FHIT: variants seen among roughly 807,000 people sequenced by gnomAD.
FHIT encodes the protein bis(5'-adenosyl)-triphosphatase.
FHIT carries 19 observed loss-of-function variants against 17.9 expected under a neutral mutation model. The ratio of observed to expected loss-of-function variants is 1.06; its 90% CI spans 0.74 to 1.56. FHIT has a LOEUF of 1.56. FHIT is among the 40% of genes most tolerant of loss of function. The pLI, the probability that FHIT is intolerant of heterozygous loss-of-function variation, is 0.00. For missense variants in FHIT, 248 were observed against 189.2 expected, an observed-to-expected ratio of 1.31 and a Z score of -1.82; for synonymous variants, 81 against 69.7, an observed-to-expected ratio of 1.16 and a Z score of -0.81.
chr3:59,790,526 CTCTGTG>C (rs765814535), intron 8 of FHIT, among the ~76,000 whole-genome samples: 16 of 133,980 alleles, frequency 1.2e-4, no homozygotes, highest in African/African-American at 4.1e-4. Context: ...CTCTCTCTCT[CTCTGTG>C]TGTGTGTGTG....
chr3:59,879,879 C>T (rs907788064), intron 8 of FHIT, among the ~76,000 whole-genome samples: 3 of 151,892 alleles, frequency 2.0e-5, no homozygotes, highest in African/African-American at 7.3e-5. Flanking sequence ...CACATTATTT[C>T]TGAGCCTTTA....
intron 5 of FHIT, among the ~76,000 whole-genome samples, chr3:60,338,516 A>T (rs908355735): frequency 1.4e-4 from 21 of 152,188 alleles, no homozygotes; most frequent in African/African-American, 5.1e-4. Context: ...TTTTATTTAC[A>T]TCCATAGTAT....
intron 4 of FHIT, among the ~76,000 whole-genome samples, chr3:60,819,077 A>G (rs1170707670): frequency 2.5e-5 from 3 of 121,182 alleles, no homozygotes; most frequent in Non-Finnish European, 3.5e-5. Flanking sequence ...GGTACTTTAT[A>G]GTTGATATCT....
intron 5 of FHIT, among the ~76,000 whole-genome samples, chr3:60,329,594 G>C (rs1178892433): frequency 6.6e-6 from 1 of 152,216 alleles, no homozygotes; most frequent in African/African-American, 2.4e-5. Context: ...TTAAGATTTG[G>C]AAAAGAAGTT....
intron 5 of FHIT, among the ~76,000 whole-genome samples, chr3:60,130,753 T>C (rs1249462134): frequency 1.8e-4 from 4 of 22,496 alleles, no homozygotes; most frequent in Non-Finnish European, 3.3e-4. Context: ...GGGGTGTGTG[T>C]GTGTGTGTGT....
intron 8 of FHIT, among the ~76,000 whole-genome samples, chr3:59,842,220 C>T (rs1398913701): frequency 6.6e-6 from 1 of 152,172 alleles, no homozygotes; most frequent in Non-Finnish European, 1.5e-5. Flanking sequence ...TCATCCATAT[C>T]ATAGCACTTA....
chr3:60,744,271 A>AAAACC (rs2042308671), intron 4 of FHIT, among the ~76,000 whole-genome samples: 6 of 52,136 alleles, frequency 1.2e-4, no homozygotes, highest in African/African-American at 6.8e-4. Context: ...AACAAAACAA[A>AAAACC]AAAAAAAAAA....
rs946010325 is a variant in FHIT at position 59,975,912 on chromosome 3, C to A, written c.279+35459G>T. Among the ~76,000 whole-genome samples the A allele has an allele frequency of 7.2e-4, 109 of 152,012 alleles. 2 individuals are homozygous for A. The highest frequency in any genetic ancestry group is 1.3e-4 in the Non-Finnish European group (9 of 68,002). On this transcript the variant is annotated intron_variant, in intron 7 of 9. Transcript: ENST00000492590. ...GATTATCTGGCTCCACTTCCTTTAC[C>A]GTCACAGAGAGTAAGGTCTCCAGTT...
At chr3:60,439,052 G>C (rs1014636181) in intron 5 of FHIT, among the ~76,000 whole-genome samples, 24 of 152,220 alleles carry the variant, frequency 1.6e-4, no homozygotes, top group Admixed American at 6.6e-4. Context: ...AGAGTGATTG[G>C]CTTTATATTA....
At chr3:59,844,546 G>A (rs1054725769) in intron 8 of FHIT, among the ~76,000 whole-genome samples, 2 of 151,966 alleles carry the variant, frequency 1.3e-5, no homozygotes, top group Admixed American at 1.3e-4. Context: ...CTTGAAATGT[G>A]GCAGATGCTC....
intron 5 of FHIT, among the ~76,000 whole-genome samples, chr3:60,264,794 A>C (rs189984165): frequency 2.0e-5 from 3 of 152,118 alleles, no homozygotes; most frequent in Admixed American, 1.3e-4. Flanking sequence ...CACTTAAGGA[A>C]GGAATTTTTA....
At chr3:61,022,799 T>C (rs2032520810) in intron 3 of FHIT, among the ~76,000 whole-genome samples, 1 of 152,150 alleles carries the variant, frequency 6.6e-6, no homozygotes, top group Non-Finnish European at 1.5e-5. Context: ...CAACACTCCT[T>C]CATGCTAAAA....
intron 4 of FHIT, among the ~76,000 whole-genome samples, chr3:60,702,504 T>C (rs1239140621): frequency 6.6e-6 from 1 of 152,034 alleles, no homozygotes; most frequent in Non-Finnish European, 1.5e-5. Flanking sequence ...AAGGATTTTA[T>C]ATTTTTTGTT....
rs547847248 is a variant in FHIT, at chr3:61,023,947, T to C, written c.-111+18100A>G. On this transcript the variant is annotated intron_variant, in intron 3 of 9. Coordinates refer to ENST00000492590, the MANE Select transcript of FHIT (RefSeq NM_002012.4). Reference sequence around the variant, plus strand: ...TCAGGACATAGGCATGGGCAAAGACTTCATGACTAAAACACCAAAAGCAAT... The same window carrying C: ...TCAGGACATAGGCATGGGCAAAGACCTCATGACTAAAACACCAAAAGCAAT... Among the ~76,000 whole-genome samples the C allele has an allele frequency of 5.9e-5, 9 of 152,224 alleles. No homozygotes were observed. The East Asian group carries it at 1.7e-3, about 29-fold the overall frequency.
chr3:60,936,205 C>T (rs781892486), intron 3 of FHIT, among the ~76,000 whole-genome samples: 18 of 152,072 alleles, frequency 1.2e-4, no homozygotes, highest in African/African-American at 2.2e-4. Context: ...ACTTTTAATA[C>T]GCAATTAAGT....
intron 4 of FHIT, among the ~76,000 whole-genome samples, chr3:60,627,259 G>A (rs143759321): frequency 4.8e-4 from 73 of 152,256 alleles, no homozygotes; most frequent in African/African-American, 1.7e-3. Context: ...TAAATGTTTG[G>A]TAGAATTGGC....
intron 2 of FHIT, among the ~76,000 whole-genome samples, chr3:61,141,954 C>T (rs942341315): frequency 4.6e-5 from 7 of 151,420 alleles, no homozygotes; most frequent in African/African-American, 1.5e-4. Flanking sequence ...AAGTTTCATG[C>T]AGATCATCTC....
intron 7 of FHIT, among the ~76,000 whole-genome samples, chr3:59,982,934 G>A (rs1244990464): frequency 6.6e-6 from 1 of 151,856 alleles, no homozygotes; most frequent in Non-Finnish European, 1.5e-5. Context: ...TATGCATCGT[G>A]CATTAGCCAG....
At chr3:60,206,351 G>A (rs1156877097) in intron 5 of FHIT, among the ~76,000 whole-genome samples, 1 of 152,038 alleles carries the variant, frequency 6.6e-6, no homozygotes, top group Admixed American at 6.6e-5. Flanking sequence ...GTTATTCTGT[G>A]TATCTGAGCT....
Sources: allele counts gnomAD v4.1 joint callset (sites outside exome capture counted in the v4.1 genomes callset), GRCh38; gene constraint gnomAD v4.1.1; transcripts MANE v1.5; gene names NCBI Gene and HGNC (gene_info 2026-07-23, HGNC 2026-07-21).